The following SLC2A13 variants were observed in gnomAD, a reference collection of about 807,000 sequenced individuals.
SLC2A13 encodes the protein proton myo-inositol cotransporter.
A neutral mutation model predicts 64.4 loss-of-function variants in SLC2A13; 32 were observed. That is an observed-to-expected ratio of 0.50 (90% CI 0.37 to 0.67). SLC2A13 has a LOEUF of 0.67. Among genes scored for constraint, SLC2A13 ranks in the 30% least tolerant of loss-of-function variants. The pLI, the probability that SLC2A13 is intolerant of heterozygous loss-of-function variation, is 0.00. For missense variants in SLC2A13, 743 were observed against 829.2 expected, an observed-to-expected ratio of 0.90 and a Z score of 1.28; for synonymous variants, 338 against 327.1, an observed-to-expected ratio of 1.03 and a Z score of -0.36.
intron 1 of SLC2A13, among the ~76,000 whole-genome samples, chr12:40,090,438 G>C (rs1938728248): frequency 6.6e-6 from 1 of 152,114 alleles, no homozygotes; most frequent in Non-Finnish European, 1.5e-5. Flanking sequence ...GTGGCTTTGA[G>C]TTTATGTCTA....
intron 7 of SLC2A13, among the ~76,000 whole-genome samples, chr12:39,805,313 G>C (rs1941943565): frequency 6.6e-6 from 1 of 152,194 alleles, no homozygotes; most frequent in Non-Finnish European, 1.5e-5. Context: ...TTTGCAGGGA[G>C]AGGCAGGGGT....
chr12:40,042,658 C>G lies in SLC2A13; in HGVS notation c.716+5393G>C, dbSNP rs1948107945. Among the ~76,000 whole-genome samples, 3 of 152,024 alleles carry G rather than the reference C, an allele frequency of 2.0e-5. No homozygotes were observed. The South Asian group carries it at 6.2e-4, about 32-fold the overall frequency. On this transcript the variant is annotated intron_variant, in intron 2 of 9. Coordinates refer to ENST00000280871, the MANE Select transcript of SLC2A13 (RefSeq NM_052885.4). ...CCCTAGAGCCCAGTGAATTTCAGCT[C>G]AGTTCAATAAACATTTACTGAATAT...
At chr12:40,093,798 C>G (rs892037411) in intron 1 of SLC2A13, among the ~76,000 whole-genome samples, 2 of 151,930 alleles carry the variant, frequency 1.3e-5, no homozygotes, top group Non-Finnish European at 2.9e-5. Context: ...AGTAGGAAAT[C>G]AAGTCAAAGA....
chr12:40,091,115 A>G (rs1047207602), intron 1 of SLC2A13, among the ~76,000 whole-genome samples: 4 of 152,216 alleles, frequency 2.6e-5, no homozygotes, highest in Non-Finnish European at 4.4e-5. Flanking sequence ...AGGCAACTGT[A>G]ACACAATGGT....
chr12:39,870,987 T>C, intron 5 of SLC2A13, among the ~76,000 whole-genome samples: 1 of 152,226 alleles, frequency 6.6e-6, no homozygotes, highest in Non-Finnish European at 1.5e-5. Context: ...GAAACTATCT[T>C]TTAATGGAAA....
chr12:39,883,424 A>G (rs1369356660), intron 4 of SLC2A13, among the ~76,000 whole-genome samples: 6 of 152,206 alleles, frequency 3.9e-5, no homozygotes, highest in Non-Finnish European at 5.9e-5. Context: ...GATCCAAACA[A>G]TGATACAAAC....
chr12:39,964,889 C>T (rs1268237462), intron 3 of SLC2A13, among the ~76,000 whole-genome samples: 2 of 151,872 alleles, frequency 1.3e-5, no homozygotes, highest in Non-Finnish European at 1.5e-5. Context: ...GTAAAGAAGG[C>T]CAGCCACCTT....
chr12:40,032,890 C>CGTAGTTCCA (rs1193053114), intron 2 of SLC2A13, among the ~76,000 whole-genome samples: 11 of 152,288 alleles, frequency 7.2e-5, no homozygotes, highest in Admixed American at 4.6e-4. Context: ...TCTGCTCTTT[C>CGTAGTTCCA]GTAGTTCCAG....
At chr12:39,826,751 G>T in intron 7 of SLC2A13, among the ~76,000 whole-genome samples, 1 of 146,322 alleles carries the variant, frequency 6.8e-6, no homozygotes. Context: ...ACATATATAT[G>T]TCATATAAAA....
At chr12:39,830,027 A>G (rs745448893) in intron 7 of SLC2A13, 76 bp downstream of exon 7, 15 of 1,578,100 alleles carry the variant, frequency 9.5e-6, no homozygotes, top group Non-Finnish European at 1.3e-5. Context: ...TATAAGTGCA[A>G]GCACTCTGAA....
intron 7 of SLC2A13, among the ~76,000 whole-genome samples, chr12:39,795,910 C>T (rs577592479): frequency 1.3e-5 from 2 of 152,018 alleles, no homozygotes; most frequent in Non-Finnish European, 2.9e-5. Flanking sequence ...TCAATTCATC[C>T]TTTTAAAGCA....
At chr12:39,859,741 G>C (rs1375559282) in intron 6 of SLC2A13, among the ~76,000 whole-genome samples, 1 of 152,012 alleles carries the variant, frequency 6.6e-6, no homozygotes, top group African/African-American at 2.4e-5. Context: ...TGGCCGGGCT[G>C]GTCTCAAACT....
intron 3 of SLC2A13, among the ~76,000 whole-genome samples, chr12:39,989,848 C>T (rs1428864607): frequency 6.6e-6 from 1 of 152,162 alleles, no homozygotes; most frequent in Non-Finnish European, 1.5e-5. Flanking sequence ...AAAATTGCCA[C>T]TGCTGTCAGG....
At chr12:39,814,553 ATG>A (rs2135813090) in intron 7 of SLC2A13, among the ~76,000 whole-genome samples, 1 of 152,306 alleles carries the variant, frequency 6.6e-6, no homozygotes, top group East Asian at 1.9e-4. Context: ...AAACTGAAGA[ATG>A]CTTTGGTAGA....
At chr12:39,895,671 T>G (rs867006804) in intron 4 of SLC2A13, among the ~76,000 whole-genome samples, 9 of 148,094 alleles carry the variant, frequency 6.1e-5, no homozygotes, top group African/African-American at 2.2e-4. Flanking sequence ...TGTATATGCG[T>G]GTATACGTAC....
At position 39,851,140 on chromosome 12, in the gene SLC2A13, TC is replaced by T. The variant is rs577330827; in HGVS notation, c.1319+13621del. On this transcript the variant is annotated intron_variant, in intron 6 of 9. Coordinates refer to ENST00000280871, the MANE Select transcript of SLC2A13 (RefSeq NM_052885.4). ...GTCTCGAACTCCCGACCTCAGATGA[TC>T]CACCTGCCTTGGCCTCACAAAGTGC... 4.8e-4 allele frequency among the ~76,000 whole-genome samples: 73 copies of T among 152,260 alleles called. No homozygotes were observed. In the East Asian group the frequency reaches 9.7e-3, roughly 20 times the overall value.
chr12:39,876,181 A>G (rs1944179817), intron 4 of SLC2A13, among the ~76,000 whole-genome samples: 1 of 152,220 alleles, frequency 6.6e-6, no homozygotes, highest in Non-Finnish European at 1.5e-5. Context: ...ATTTAAGAAC[A>G]GCCAAGGCCG....
intron 3 of SLC2A13, among the ~76,000 whole-genome samples, chr12:39,971,317 A>G (rs1946642676): frequency 6.6e-6 from 1 of 152,226 alleles, no homozygotes; most frequent in Admixed American, 6.5e-5. Context: ...ATAAGTGCTC[A>G]ATGAATGATT....
chr12:39,807,370 C>T (rs1942012295), intron 7 of SLC2A13, among the ~76,000 whole-genome samples: 1 of 152,152 alleles, frequency 6.6e-6, no homozygotes, highest in African/African-American at 2.4e-5. Flanking sequence ...TGAACACAAT[C>T]AGTGGATTGA....
Sources: allele counts gnomAD v4.1 joint callset (sites outside exome capture counted in the v4.1 genomes callset), GRCh38; gene constraint gnomAD v4.1.1; transcripts MANE v1.5; gene names NCBI Gene and HGNC (gene_info 2026-07-23, HGNC 2026-07-21).